The following SLC25A37 variants were observed in gnomAD, a reference collection of about 807,000 sequenced individuals.
SLC25A37 encodes solute carrier family 25 member 37.
In SLC25A37, 17 loss-of-function variants were observed where a neutral mutation model predicts 31.0. The observed-to-expected ratio is 0.55, with a 90% CI of 0.38 to 0.82. SLC25A37 has a LOEUF of 0.82. Among genes scored for constraint, SLC25A37 ranks in the 40% least tolerant of loss-of-function variants. The probability of loss-of-function intolerance (pLI) is 0.00; values close to 1 mark genes in which losing one functional copy is unlikely to be tolerated. For synonymous variants in SLC25A37, 222 were observed against 193.0 expected (o/e 1.15, Z -1.24); for missense variants, 404 against 465.8 (o/e 0.87, Z 1.22).
At chr8:23,530,969 G>T (rs1310749561) in intron 1 of SLC25A37, among the ~76,000 whole-genome samples, 1 of 152,216 alleles carries the variant, frequency 6.6e-6, no homozygotes, top group East Asian at 1.9e-4. Flanking sequence ...TTTTGGTTCA[G>T]ATGTCACCTG....
chr8:23,562,099 G>C (rs1351932848), intron 1 of SLC25A37, among the ~76,000 whole-genome samples: 1 of 152,206 alleles, frequency 6.6e-6, no homozygotes, highest in African/African-American at 2.4e-5. Flanking sequence ...GCAAAACCTT[G>C]GTAGGACCCT....
chr8:23,570,614 A>C (rs748296181), intron 3 of SLC25A37, among the ~76,000 whole-genome samples: 1 of 152,170 alleles, frequency 6.6e-6, no homozygotes, highest in Admixed American at 6.5e-5. Flanking sequence ...AAGTAGAAAA[A>C]AGTGAGGCTC....
rs2117373969 is a variant in SLC25A37, at chr8:23,529,430, C to T, written c.210+218C>T. On this transcript the variant is annotated intron_variant, in intron 1 of 3. Transcript: ENST00000519973. The surrounding 1 kb of genome is among the most constrained non-coding windows in gnomAD (Gnocchi z 4.1). ...GTGCCCGGTCCTCGCCCCGCACCGCCCGCTGCTCCAGCCGCGTGCCCGGCC... is the reference window on the plus strand; with the variant it reads ...GTGCCCGGTCCTCGCCCCGCACCGCTCGCTGCTCCAGCCGCGTGCCCGGCC... Among the ~76,000 whole-genome samples the T allele has an allele frequency of 6.6e-6, 1 of 151,830 alleles. No individual in the cohort carries two copies. The highest frequency in any genetic ancestry group is 1.9e-4 in the East Asian group (1 of 5,148).
chr8:23,565,236 T>A (rs147591753), intron 1 of SLC25A37, among the ~76,000 whole-genome samples: 88 of 152,332 alleles, frequency 5.8e-4, no homozygotes, highest in African/African-American at 2.1e-3. Context: ...CCTTCATACA[T>A]ACATCTAAAC....
chr8:23,548,230 C>G (rs1483220470), intron 1 of SLC25A37, among the ~76,000 whole-genome samples: 8 of 152,174 alleles, frequency 5.3e-5, no homozygotes, highest in East Asian at 1.9e-4. Flanking sequence ...CCAGGCTGGA[C>G]TGCAGTGGCG....
chr8:23,555,570 T>G (rs1367424457), intron 1 of SLC25A37, among the ~76,000 whole-genome samples: 2 of 152,220 alleles, frequency 1.3e-5, no homozygotes, highest in African/African-American at 2.4e-5. Context: ...CTGAGTCTTT[T>G]GCCCCTAGCA....
chr8:23,562,311 G>T (rs1247269668), intron 1 of SLC25A37, among the ~76,000 whole-genome samples: 1 of 152,226 alleles, frequency 6.6e-6, no homozygotes, highest in Non-Finnish European at 1.5e-5. Context: ...CTTGAGAAAT[G>T]CGGTGACACG....
chr8:23,573,685 C>A lies in SLC25A37; in HGVS notation c.*1830C>A. ...AAGAATTTTATCAGTCAGTGGAGTT[C>A]CTTTTTCAGATCAGGGATGGGAAAG... On this transcript the variant is annotated 3_prime_UTR_variant, in exon 4 of 4. Coordinates refer to ENST00000519973, the MANE Select transcript of SLC25A37 (RefSeq NM_016612.4). 1 of 424,286 alleles carries A rather than the reference C, an allele frequency of 2.4e-6. No homozygotes were observed. The allele number at this position is 424,286 out of a possible 1,614,324, so 26.3% of individuals were successfully genotyped here.
chr8:23,546,531 GTATATATATATA>G (rs1251864600), intron 1 of SLC25A37, among the ~76,000 whole-genome samples: 2 of 36,432 alleles, frequency 5.5e-5, no homozygotes, highest in Non-Finnish European at 1.0e-4. Flanking sequence ...ATATATAGGT[GTATATATATATA>G]TATATATATA....
chr8:23,556,849 A>C (rs138477607), intron 1 of SLC25A37, among the ~76,000 whole-genome samples: 119 of 151,592 alleles, frequency 7.9e-4, no homozygotes, highest in Non-Finnish European at 1.3e-3. Context: ...CCTCCTGCTT[A>C]TTTTGCGTGA....
At chr8:23,556,991 C>T (rs1191564119) in intron 1 of SLC25A37, among the ~76,000 whole-genome samples, 1 of 152,158 alleles carries the variant, frequency 6.6e-6, no homozygotes, top group Non-Finnish European at 1.5e-5. Flanking sequence ...GCTGGGATTA[C>T]AGGCGTGTGC....
chr8:23,568,008 A>G (rs1337335203), intron 2 of SLC25A37: 3 of 422,922 alleles, frequency 7.1e-6, no homozygotes, highest in Non-Finnish European at 1.3e-5. Context: ...CAGTGGAAAA[A>G]GCCATGGTGT....
intron 1 of SLC25A37, among the ~76,000 whole-genome samples, chr8:23,535,721 A>G (rs4871879): frequency 0.16 from 24,589 of 152,168 alleles, 2,508 homozygotes; most frequent in East Asian, 0.33. Flanking sequence ...CGTGGCTGGG[A>G]AGGCCTCACA....
chr8:23,572,403 TTA>T lies in SLC25A37; in HGVS notation c.*550_*551del, dbSNP rs1261457363. The T allele has an allele frequency of 2.6e-5, 4 of 152,748 alleles. No individual in the cohort carries two copies. Among genetic ancestry groups the T allele is most frequent in the East Asian group, 1.9e-4 (1 of 5,188 alleles). The allele number at this position is 152,748 out of a possible 1,614,324, so 9.5% of individuals were successfully genotyped here. A position where few individuals can be genotyped will look rare whatever the true frequency, so the allele number is the denominator to read the frequency against. ...GACTCTCCAGCTGTTTTTGTTGTTG[TTA>T]TGTTTTTAAGAGGGTTGAATTCTTC... On this transcript the variant is annotated 3_prime_UTR_variant, in exon 4 of 4. Coordinates refer to ENST00000519973, the MANE Select transcript of SLC25A37 (RefSeq NM_016612.4).
At position 23,574,106 on chromosome 8, in the gene SLC25A37, A is replaced by C. The variant is rs1257969326; in HGVS notation, c.*2251A>C. 1 of 333,752 alleles carries C rather than the reference A, an allele frequency of 3.0e-6. No individual in the cohort carries two copies. Among genetic ancestry groups the C allele is most frequent in the Non-Finnish European group, 6.0e-6 (1 of 166,600 alleles). The allele number at this position is 333,752 out of a possible 1,614,324, so 20.7% of individuals were successfully genotyped here. On this transcript the variant is annotated 3_prime_UTR_variant, in exon 4 of 4. Coordinates refer to ENST00000519973, the MANE Select transcript of SLC25A37 (RefSeq NM_016612.4). ...GTATTTCCTACTGGATTTTGCTTTC[A>C]CTGGTGTTTAGAAAATAAACTTGAT...
At chr8:23,568,872 G>A (rs567375536) in intron 3 of SLC25A37, 1 of 167,814 alleles carries the variant, frequency 6.0e-6, no homozygotes, top group South Asian at 1.4e-4. Flanking sequence ...GAACCCAGCA[G>A]GCAGAGGTTG....
intron 1 of SLC25A37, among the ~76,000 whole-genome samples, chr8:23,535,041 G>C (rs1161191068): frequency 6.6e-6 from 1 of 152,046 alleles, no homozygotes; most frequent in Admixed American, 6.5e-5. Context: ...CACCTCCATG[G>C]TCCCTTGACC....
At chr8:23,564,208 T>C (rs1802589727) in intron 1 of SLC25A37, among the ~76,000 whole-genome samples, 3 of 152,012 alleles carry the variant, frequency 2.0e-5, no homozygotes, top group South Asian at 2.1e-4. Context: ...GTGGTTTTAA[T>C]AGCTGGTGAA....
chr8:23,560,139 G>A (rs1224107702), intron 1 of SLC25A37, among the ~76,000 whole-genome samples: 4 of 152,096 alleles, frequency 2.6e-5, no homozygotes, highest in South Asian at 2.1e-4. Flanking sequence ...GTGGTGGTGC[G>A]CACCTGTAGT....
Sources: gnomAD v4.1 joint callset for allele counts (sites outside exome capture counted in the v4.1 genomes callset) on GRCh38, gnomAD v4.1.1 for gene constraint, Gnocchi (gnomAD v3.1) non-coding constraint, MANE v1.5 for transcripts, NCBI Gene and HGNC (gene_info 2026-07-23, HGNC 2026-07-21) for gene names.